The following ADAM19 variants were observed in gnomAD, a reference collection of about 807,000 sequenced individuals.
ADAM19 encodes the protein ADAM metallopeptidase domain 19, also known as disintegrin and metalloproteinase domain-containing protein 19.
ADAM19 carries 65 observed loss-of-function variants against 114.7 expected under a neutral mutation model. The ratio of observed to expected loss-of-function variants is 0.57; its 90% CI spans 0.46 to 0.70. The LOEUF (loss-of-function observed/expected upper bound fraction) is 0.70, where lower values mean the gene tolerates loss of function less well. Ranked by LOEUF, ADAM19 falls within the 30% of genes least tolerant of loss-of-function variation. The pLI is 0.00. For missense variants in ADAM19, 1,063 were observed against 1,204.7 expected (o/e 0.88, Z 1.74); for synonymous variants, 466 against 460.5 (o/e 1.01, Z -0.15).
intron 3 of ADAM19, among the ~76,000 whole-genome samples, chr5:157,545,964 G>T (rs546566193): frequency 6.6e-6 from 1 of 152,352 alleles, no homozygotes; most frequent in African/African-American, 2.4e-5. Context: ...ACCTTTCTGA[G>T]CATCAGGCCT....
At chr5:157,534,553 G>A (rs573813633) in intron 4 of ADAM19, among the ~76,000 whole-genome samples, 4 of 152,266 alleles carry the variant, frequency 2.6e-5, no homozygotes, top group African/African-American at 9.6e-5. Flanking sequence ...AATGCTTTGG[G>A]AGGCCAAGGC....
intron 11 of ADAM19, among the ~76,000 whole-genome samples, chr5:157,505,397 A>G (rs572435835): frequency 6.6e-5 from 10 of 152,378 alleles, no homozygotes; most frequent in Admixed American, 1.3e-4. Flanking sequence ...AAAGACACAT[A>G]TGGCCAAGCC....
chr5:157,497,092 G>A lies in ADAM19; in HGVS notation c.1399-3C>T, dbSNP rs777100442. ...CACAGGGTCCCAGGAGCCAACAGCT[G>A]AGCCAAGGAATGAGAGGAAAACACA... is the stretch of plus-strand genomic sequence containing the variant. On this transcript the variant is annotated splice_region_variant and splice_polypyrimidine_tract_variant and intron_variant, in intron 13 of 22. Coordinates refer to ENST00000257527, the MANE Select transcript of ADAM19 (RefSeq NM_033274.5). 2 of 1,511,928 alleles carry A rather than the reference G, an allele frequency of 1.3e-6. No homozygotes were observed. The highest frequency in any genetic ancestry group is 2.5e-5 in the Admixed American group (1 of 39,558). 93.7% of individuals were successfully genotyped at this position (1,511,928 alleles called of 1,614,324 possible). A position where few individuals can be genotyped will look rare whatever the true frequency, so the allele number is the denominator to read the frequency against.
chr5:157,501,633 C>G (rs1755565248), intron 12 of ADAM19, among the ~76,000 whole-genome samples: 1 of 152,212 alleles, frequency 6.6e-6, no homozygotes, highest in South Asian at 2.1e-4. Flanking sequence ...ATACCACTCC[C>G]TCCTTTCTGA....
chr5:157,521,663 T>A (rs1399028172), intron 5 of ADAM19, among the ~76,000 whole-genome samples: 4 of 151,992 alleles, frequency 2.6e-5, no homozygotes, highest in Non-Finnish European at 4.4e-5. Flanking sequence ...CAGTACCCAA[T>A]CACCCCCTCT....
At chr5:157,514,656 A>G (rs951405744) in intron 7 of ADAM19, among the ~76,000 whole-genome samples, 2 of 152,282 alleles carry the variant, frequency 1.3e-5, no homozygotes, top group South Asian at 2.1e-4. Flanking sequence ...CAAGCACAGG[A>G]AAGAAAGCTG....
chr5:157,492,637 T>C (rs942344245), intron 16 of ADAM19, among the ~76,000 whole-genome samples: 2 of 152,170 alleles, frequency 1.3e-5, no homozygotes, highest in Non-Finnish European at 1.5e-5. Flanking sequence ...AGTTTCATTA[T>C]CAGAATCGAC....
chr5:157,521,688 G>T (rs986150365), intron 5 of ADAM19, among the ~76,000 whole-genome samples: 14 of 152,158 alleles, frequency 9.2e-5, no homozygotes, highest in African/African-American at 3.1e-4. Context: ...GACATCTAAG[G>T]TACTCCCTGA....
At chr5:157,516,782 C>T (rs1581320210) in intron 7 of ADAM19, among the ~76,000 whole-genome samples, 1 of 152,170 alleles carries the variant, frequency 6.6e-6, no homozygotes, top group Non-Finnish European at 1.5e-5. Context: ...CCTCCCACTA[C>T]GGGCAGTCAG....
rs565560795 is a variant in ADAM19 at position 157,479,072 on chromosome 5, G to A, written c.*1877C>T. ...AGAGGGTAGCACATTTAAATAAAAG[G>A]TTGGGCCACAGGAAAGGTGGGGAAT... On this transcript the variant is annotated 3_prime_UTR_variant, in exon 23 of 23. Coordinates refer to ENST00000257527, the MANE Select transcript of ADAM19 (RefSeq NM_033274.5). The A allele has an allele frequency of 1.0e-6, 1 of 985,800 alleles. No individual in the cohort carries two copies. Among genetic ancestry groups the A allele is most frequent in the Non-Finnish European group, 1.2e-6 (1 of 829,938 alleles). 61.1% of individuals were successfully genotyped at this position (985,800 alleles called of 1,614,324 possible).
intron 3 of ADAM19, among the ~76,000 whole-genome samples, chr5:157,539,424 AGAGGGTCATCG>A (rs1207481048): frequency 6.6e-6 from 1 of 152,184 alleles, no homozygotes; most frequent in South Asian, 2.1e-4. Flanking sequence ...TCCCAGCAAG[AGAGGGTCATCG>A]CAGAGGGTCT....
At chr5:157,561,214 C>T (rs1400026724) in intron 3 of ADAM19, among the ~76,000 whole-genome samples, 2 of 152,230 alleles carry the variant, frequency 1.3e-5, no homozygotes, top group African/African-American at 2.4e-5. Flanking sequence ...CCGGCTGCCG[C>T]GCTATTGTAG....
rs1196722802 is a variant in ADAM19, at chr5:157,569,416, CTTTTT to C, written c.180+1474_180+1478del. 1.2e-4 allele frequency among the ~76,000 whole-genome samples: 12 copies of C among 97,864 alleles called. No homozygotes were observed. In the South Asian group the frequency reaches 3.9e-3, roughly 32 times the overall value. The allele number at this position is 97,864 out of a possible 152,430, so 64.2% of individuals were successfully genotyped here. A position where few individuals can be genotyped will look rare whatever the true frequency, so the allele number is the denominator to read the frequency against. On this transcript the variant is annotated intron_variant, in intron 2 of 22. Coordinates refer to ENST00000257527, the MANE Select transcript of ADAM19 (RefSeq NM_033274.5). ...CACACCCCTAGGTCTAGCTAATTTT[CTTTTT>C]TTTTTTTTTTTTTTTTTGTAGAGAT...
rs540181584 is a variant in ADAM19, at chr5:157,560,574, T to A, written c.251+3799A>T. ...AGAGCAGAAGACTGTCTTCATGACA[T>A]CCAGTTGAGTTCAAAAAAGGAAATG... On this transcript the variant is annotated intron_variant, in intron 3 of 22. Coordinates refer to ENST00000257527, the MANE Select transcript of ADAM19 (RefSeq NM_033274.5). Among the ~76,000 whole-genome samples the A allele has an allele frequency of 2.0e-5, 3 of 152,348 alleles. No individual in the cohort carries two copies. In the South Asian group the frequency reaches 6.2e-4, roughly 32 times the overall value.
chr5:157,514,326 C>CTTTTT (rs200826711), intron 7 of ADAM19, among the ~76,000 whole-genome samples: 5 of 141,678 alleles, frequency 3.5e-5, no homozygotes, highest in African/African-American at 5.4e-5. Context: ...AATCACATTT[C>CTTTTT]TTTCTTTTTT....
intron 3 of ADAM19, among the ~76,000 whole-genome samples, chr5:157,539,922 G>A (rs76416019): frequency 0.033 from 5,026 of 152,308 alleles, 110 homozygotes; most frequent in Non-Finnish European, 0.045. Flanking sequence ...GTAGTTCAGT[G>A]TACTAGCAGC....
rs1377452376 is a variant in ADAM19, at chr5:157,478,282, C to A, written c.*2667G>T. 1.4e-5 allele frequency: 2 copies of A among 143,356 alleles called. No homozygotes were observed. The highest frequency in any genetic ancestry group is 3.0e-5 in the Non-Finnish European group (2 of 66,438). 8.9% of individuals were successfully genotyped at this position (143,356 alleles called of 1,614,324 possible). A position where few individuals can be genotyped will look rare whatever the true frequency, so the allele number is the denominator to read the frequency against. Reference sequence around the variant, plus strand: ...GCCTGAGCCAGCAAACAGCCCCTCCCCTGGAGACAAAAAAAAAAAAAAAAA... The same window carrying A: ...GCCTGAGCCAGCAAACAGCCCCTCCACTGGAGACAAAAAAAAAAAAAAAAA... On this transcript the variant is annotated 3_prime_UTR_variant, in exon 23 of 23. Transcript: ENST00000257527.
chr5:157,492,961 G>T lies in ADAM19; in HGVS notation c.1908+12C>A. 1.2e-6 allele frequency: 2 copies of T among 1,613,982 alleles called. No homozygotes were observed. The highest frequency in any genetic ancestry group is 1.7e-6 in the Non-Finnish European group (2 of 1,179,850). On this transcript the variant is annotated intron_variant, in intron 16 of 22. Coordinates refer to ENST00000257527, the MANE Select transcript of ADAM19 (RefSeq NM_033274.5). Reference sequence around the variant, plus strand: ...GCAGCTGGCTCCTAGGTGAGCAGGGGAGGGGACTCACATGGTTGTAGCCAC... The same window carrying T: ...GCAGCTGGCTCCTAGGTGAGCAGGGTAGGGGACTCACATGGTTGTAGCCAC...
chr5:157,501,027 C>T (rs1755547135), intron 12 of ADAM19, among the ~76,000 whole-genome samples: 1 of 152,150 alleles, frequency 6.6e-6, no homozygotes, highest in South Asian at 2.1e-4. Context: ...GTTTATCAAC[C>T]TTATACCCCT....
Sources: gnomAD v4.1 joint callset for allele counts (sites outside exome capture counted in the v4.1 genomes callset) on GRCh38, gnomAD v4.1.1 for gene constraint, MANE v1.5 for transcripts, NCBI Gene and HGNC (gene_info 2026-07-23, HGNC 2026-07-21) for gene names.